The following SLCO6A1 variants were observed in gnomAD, a reference collection of about 807,000 sequenced individuals.
SLCO6A1 encodes cancer/testis antigen 48.
In SLCO6A1, 65 loss-of-function variants were observed where a neutral mutation model predicts 72.7. The ratio of observed to expected loss-of-function variants is 0.89; its 90% CI spans 0.73 to 1.10. The LOEUF (loss-of-function observed/expected upper bound fraction) is 1.10, where lower values mean the gene tolerates loss of function less well. SLCO6A1 is among the 50% of genes least tolerant of loss of function. SLCO6A1 has a pLI of 0.00. For synonymous variants in SLCO6A1, 314 were observed against 298.2 expected (o/e 1.05, Z -0.55); for missense variants, 874 against 872.6 (o/e 1.00, Z -0.02).
At chr5:102,455,062 A>C (rs1057435490) in intron 6 of SLCO6A1, among the ~76,000 whole-genome samples, 36 of 147,594 alleles carry the variant, frequency 2.4e-4, no homozygotes, top group African/African-American at 9.1e-4. Context: ...TGAAAACATT[A>C]AGGAGGGAGA....
At chr5:102,420,082 A>G (rs979061180) in intron 7 of SLCO6A1, 61 bp from the exon 8 acceptor site, 3 of 1,283,200 alleles carry the variant, frequency 2.3e-6, no homozygotes, top group African/African-American at 1.5e-5. Flanking sequence ...CAGATAATAC[A>G]TACATTGATA....
chr5:102,397,680 A>C (rs1747169413), intron 10 of SLCO6A1, among the ~76,000 whole-genome samples: 2 of 152,190 alleles, frequency 1.3e-5, no homozygotes, highest in Admixed American at 6.5e-5. Flanking sequence ...CCTTCTGAGC[A>C]GAAATATATG....
chr5:102,444,084 T>A (rs2112699256), intron 6 of SLCO6A1, among the ~76,000 whole-genome samples: 1 of 152,280 alleles, frequency 6.6e-6, no homozygotes, highest in East Asian at 1.9e-4. Flanking sequence ...TGTGCTTACT[T>A]AGTAAGAGTC....
At chr5:102,491,364 G>A (rs1250220031) in intron 1 of SLCO6A1, among the ~76,000 whole-genome samples, 2 of 152,246 alleles carry the variant, frequency 1.3e-5, no homozygotes. Context: ...AGGTGGAGCT[G>A]CCTGCCAGTT....
intron 4 of SLCO6A1, among the ~76,000 whole-genome samples, chr5:102,463,493 A>G (rs1019557783): frequency 1.4e-4 from 22 of 152,236 alleles, no homozygotes; most frequent in African/African-American, 5.3e-4. Flanking sequence ...CACAACTTGC[A>G]ATTGCAAAAA....
At chr5:102,422,899 G>A (rs1281392921) in intron 7 of SLCO6A1, among the ~76,000 whole-genome samples, 2 of 151,612 alleles carry the variant, frequency 1.3e-5, no homozygotes, top group Non-Finnish European at 3.0e-5. Context: ...CCTACTAAGG[G>A]AAGCCCATCA....
intron 9 of SLCO6A1, 61 bp from the exon 10 acceptor site, chr5:102,399,803 A>C (rs1170160238): frequency 1.6e-6 from 2 of 1,221,918 alleles, no homozygotes; most frequent in Non-Finnish European, 2.2e-6. Context: ...AAAAGTTCTT[A>C]TCATAAAATA....
At chr5:102,442,061 C>T (rs188351467) in intron 6 of SLCO6A1, among the ~76,000 whole-genome samples, 12 of 152,122 alleles carry the variant, frequency 7.9e-5, no homozygotes, top group South Asian at 4.2e-4. Context: ...TAGCTATATC[C>T]TATGATTTTA....
intron 10 of SLCO6A1, among the ~76,000 whole-genome samples, chr5:102,399,119 T>A (rs555275340): frequency 1.6e-4 from 24 of 152,184 alleles, no homozygotes; most frequent in African/African-American, 5.5e-4. Flanking sequence ...ATAATAAAAA[T>A]TATATACTGA....
chr5:102,439,048 A>T (rs911436123), intron 6 of SLCO6A1, among the ~76,000 whole-genome samples: 15 of 151,914 alleles, frequency 9.9e-5, no homozygotes, highest in Non-Finnish European at 1.6e-4. Flanking sequence ...TGGGCTTGGA[A>T]TTTTTTTGTA....
chr5:102,372,961 A>G (rs1480753141), intron 13 of SLCO6A1, among the ~76,000 whole-genome samples: 1 of 151,902 alleles, frequency 6.6e-6, no homozygotes, highest in Non-Finnish European at 1.5e-5. Context: ...ATTTAGAAAA[A>G]TGGAGAAATA....
chr5:102,429,483 T>C (rs572621163), intron 7 of SLCO6A1, among the ~76,000 whole-genome samples: 1 of 152,150 alleles, frequency 6.6e-6, no homozygotes, highest in African/African-American at 2.4e-5. Flanking sequence ...TTTTTGTATA[T>C]GGTATAAAGA....
chr5:102,404,973 C>T (rs1733386085), intron 9 of SLCO6A1, among the ~76,000 whole-genome samples: 1 of 152,002 alleles, frequency 6.6e-6, no homozygotes, highest in Non-Finnish European at 1.5e-5. Flanking sequence ...ATACACATAC[C>T]TCCATACACT....
intron 6 of SLCO6A1, among the ~76,000 whole-genome samples, chr5:102,446,492 G>A (rs1276853294): frequency 6.6e-6 from 1 of 152,120 alleles, no homozygotes; most frequent in Non-Finnish European, 1.5e-5. Flanking sequence ...GGCTTTCTAG[G>A]TATAGTATTA....
At chr5:102,383,036 TAC>T (rs1385874917) in intron 12 of SLCO6A1, among the ~76,000 whole-genome samples, 1 of 146,770 alleles carries the variant, frequency 6.8e-6, no homozygotes, top group Non-Finnish European at 1.5e-5. Context: ...GGTGTACACA[TAC>T]ATGTATATAT....
intron 12 of SLCO6A1, among the ~76,000 whole-genome samples, chr5:102,377,156 A>G (rs1285876905): frequency 1.3e-5 from 2 of 152,124 alleles, no homozygotes; most frequent in Non-Finnish European, 2.9e-5. Flanking sequence ...AGAGCAAGAC[A>G]TTGTCTCAAA....
intron 6 of SLCO6A1, among the ~76,000 whole-genome samples, chr5:102,449,059 T>G (rs1487684936): frequency 6.6e-6 from 1 of 152,178 alleles, no homozygotes; most frequent in Non-Finnish European, 1.5e-5. Context: ...GCAGGCTCGG[T>G]GGTAACAAAT....
intron 4 of SLCO6A1, among the ~76,000 whole-genome samples, chr5:102,462,058 C>CA (rs1280201221): frequency 6.6e-6 from 1 of 152,090 alleles, no homozygotes; most frequent in Non-Finnish European, 1.5e-5. Flanking sequence ...GTACACAAAT[C>CA]AGTAGCACTG....
intron 4 of SLCO6A1, among the ~76,000 whole-genome samples, chr5:102,464,449 A>G (rs1751211717): frequency 6.6e-6 from 1 of 152,170 alleles, no homozygotes; most frequent in Admixed American, 6.5e-5. Flanking sequence ...AGCAAATTCA[A>G]AAAAATACAG....
Sources: allele counts gnomAD v4.1 joint callset (sites outside exome capture counted in the v4.1 genomes callset), GRCh38; gene constraint gnomAD v4.1.1; transcripts MANE v1.5; gene names NCBI Gene and HGNC (gene_info 2026-07-23, HGNC 2026-07-21).